Variants in LMX1B observed in about 807,000 individuals in gnomAD.
LMX1B encodes the protein LIM homeobox transcription factor 1 beta.
A neutral mutation model predicts 51.4 loss-of-function variants in LMX1B; 12 were observed. That is an observed-to-expected ratio of 0.23 (90% CI 0.15 to 0.38). LMX1B has a LOEUF of 0.38. LMX1B is among the 10% of genes least tolerant of loss of function. The pLI is 1.00. For synonymous variants in LMX1B, 237 were observed against 235.4 expected (o/e 1.01, Z -0.06); for missense variants, 445 against 571.1 (o/e 0.78, Z 2.25).
intron 2 of LMX1B, among the ~76,000 whole-genome samples, chr9:126,639,514 TATCCTGTA>T (rs1386091398): frequency 1.3e-5 from 2 of 152,202 alleles, no homozygotes; most frequent in Non-Finnish European, 2.9e-5. Flanking sequence ...CCCTGGAAAT[TATCCTGTA>T]ATGACCTAAT....
chr9:126,661,219 T>TGGACGCCCCACGCAGGGCGACCTCC (rs1564158762), intron 2 of LMX1B, among the ~76,000 whole-genome samples: 25 of 148,214 alleles, frequency 1.7e-4, no homozygotes, highest in South Asian at 4.2e-4. Flanking sequence ...GGGCGACCTC[T>TGGACGCCCCACGCAGGGCGACCTCC]CAGGCCAGCG....
At chr9:126,647,354 C>T (rs1835921333) in intron 2 of LMX1B, among the ~76,000 whole-genome samples, 1 of 152,182 alleles carries the variant, frequency 6.6e-6, no homozygotes, top group African/African-American at 2.4e-5. Flanking sequence ...GGACATCGTT[C>T]GACACATTTA....
intron 2 of LMX1B, among the ~76,000 whole-genome samples, chr9:126,651,114 C>CCTCTCT (rs1564155149): frequency 6.6e-6 from 1 of 151,818 alleles, no homozygotes; most frequent in East Asian, 1.9e-4. Context: ...AGGGCCTGCC[C>CCTCTCT]CTCTCTCCCT....
intron 2 of LMX1B, among the ~76,000 whole-genome samples, chr9:126,681,458 T>C (rs961676464): frequency 2.5e-5 from 3 of 117,816 alleles, no homozygotes; most frequent in African/African-American, 1.0e-4. Flanking sequence ...TTCTCCCACG[T>C]CCTCTCAGGC....
At chr9:126,637,194 C>T (rs1046162000) in intron 2 of LMX1B, among the ~76,000 whole-genome samples, 9 of 152,212 alleles carry the variant, frequency 5.9e-5, no homozygotes, top group East Asian at 3.8e-4. Flanking sequence ...GCTCTGGAAC[C>T]GGCAGCATCT....
chr9:126,658,103 A>G lies in LMX1B; in HGVS notation c.327-32733A>G, dbSNP rs1836153700. Among the ~76,000 whole-genome samples, 1 of 152,010 alleles carries G rather than the reference A, an allele frequency of 6.6e-6. No individual in the cohort carries two copies. The highest frequency in any genetic ancestry group is 1.5e-5 in the Non-Finnish European group (1 of 67,996). On this transcript the variant is annotated intron_variant, in intron 2 of 7. Transcript: ENST00000373474. This position sits in a 1 kb window ranked among gnomAD's most constrained non-coding sequence, Gnocchi z 4.0. ...CAAGGGACCTGAGTGGGAACAACCA[A>G]GCCGGAGACTCCTGGGTATGAAGGG... is the stretch of plus-strand genomic sequence containing the variant.
rs1564145908 is a variant in LMX1B at position 126,621,652 on chromosome 9, C to CCTT, written c.326+6083_326+6084insCTT. 2.0e-5 allele frequency among the ~76,000 whole-genome samples: 2 copies of CCTT among 100,306 alleles called. 1 individual carries two copies. The allele number at this position is 100,306 out of a possible 152,430, so 65.8% of individuals were successfully genotyped here. On this transcript the variant is annotated intron_variant, in intron 2 of 7. Coordinates refer to ENST00000373474, the MANE Select transcript of LMX1B (RefSeq NM_001174147.2). The stretch of plus-strand genomic sequence containing the variant: ...CTATAGGGTTTTTCTCTCTCTCTCT[C>CCTT]TTCTTTTTTTTTTTTTTTTTTTTTT...
intron 2 of LMX1B, among the ~76,000 whole-genome samples, chr9:126,660,963 G>A (rs1293577351): frequency 6.6e-6 from 1 of 152,192 alleles, no homozygotes; most frequent in Non-Finnish European, 1.5e-5. Flanking sequence ...TGCTCAACCA[G>A]TCAAGGGACC....
Position 126,614,022 on chromosome 9 carries a change from G to A in LMX1B, c.-428G>A. Among the ~76,000 whole-genome samples, 2 of 121,706 alleles carry A rather than the reference G, an allele frequency of 1.6e-5. No individual in the cohort carries two copies. Among genetic ancestry groups the A allele is most frequent in the East Asian group, 4.9e-4 (2 of 4,102 alleles). 79.8% of individuals were successfully genotyped at this position (121,706 alleles called of 152,430 possible). A position where few individuals can be genotyped will look rare whatever the true frequency, so the allele number is the denominator to read the frequency against. ...GGAGCCCCGCGGCCCGCTGCGCCCC[G>A]CCCGGGACCCCGCTGCGCCGCGCGC... On this transcript the variant is annotated 5_prime_UTR_variant, in exon 1 of 8. Transcript: ENST00000373474.
intron 2 of LMX1B, among the ~76,000 whole-genome samples, chr9:126,668,352 T>A (rs1361522095): frequency 6.6e-6 from 1 of 152,080 alleles, no homozygotes; most frequent in Non-Finnish European, 1.5e-5. Flanking sequence ...ACCTCCCATT[T>A]TATAGACAAG....
rs1387631319 is a variant in LMX1B at position 126,696,741 on chromosome 9, G to A, written c.*290G>A. On this transcript the variant is annotated 3_prime_UTR_variant, in exon 8 of 8. Coordinates refer to ENST00000373474, the MANE Select transcript of LMX1B (RefSeq NM_001174147.2). The stretch of plus-strand genomic sequence containing the variant: ...TCCCAGCCCCACCTCGGCCTCCATC[G>A]CCTCCTCCCCATCTCTTTTTTGGGA... 1.9e-5 allele frequency: 10 copies of A among 526,780 alleles called. No homozygotes were observed. The highest frequency in any genetic ancestry group is 4.6e-5 in the South Asian group (2 of 43,786). 32.6% of individuals were successfully genotyped at this position (526,780 alleles called of 1,614,324 possible).
At chr9:126,655,318 C>T (rs993314797) in intron 2 of LMX1B, among the ~76,000 whole-genome samples, 2 of 152,138 alleles carry the variant, frequency 1.3e-5, no homozygotes, top group African/African-American at 4.8e-5. Context: ...GTCCTGGCTG[C>T]CCTAGACCAC....
chr9:126,651,186 G>A (rs1835998362), intron 2 of LMX1B, among the ~76,000 whole-genome samples: 1 of 151,890 alleles, frequency 6.6e-6, no homozygotes, highest in African/African-American at 2.4e-5. Context: ...TCTCCGTGCT[G>A]GGGCTGACTG....
intron 2 of LMX1B, among the ~76,000 whole-genome samples, chr9:126,638,018 G>A (rs1829273550): frequency 6.6e-6 from 1 of 151,000 alleles, no homozygotes; most frequent in African/African-American, 2.4e-5. Context: ...CCCTGCCCGG[G>A]GACCTGCTTT....
rs13300385 is a variant in LMX1B at position 126,697,840 on chromosome 9, T to G, written c.*1389T>G. ...ATATGCAGGATGGGGGCACCTACTG[T>G]TTTGTTTTGTTTTGTTTTGTTTTGT... On this transcript the variant is annotated 3_prime_UTR_variant, in exon 8 of 8. Coordinates refer to ENST00000373474, the MANE Select transcript of LMX1B (RefSeq NM_001174147.2). The G allele has an allele frequency of 0.29, 14,620 of 51,152 alleles. 1,001 individuals are homozygous for G. Among genetic ancestry groups the G allele is most frequent in the East Asian group, 0.48 (1,614 of 3,360 alleles). 3.2% of individuals were successfully genotyped at this position (51,152 alleles called of 1,614,324 possible). A position where few individuals can be genotyped will look rare whatever the true frequency, so the allele number is the denominator to read the frequency against.
intron 2 of LMX1B, among the ~76,000 whole-genome samples, chr9:126,681,207 C>T (rs368456302): frequency 1.6e-4 from 25 of 152,314 alleles, no homozygotes; most frequent in East Asian, 9.7e-4. Context: ...TCCATCCTGG[C>T]AGCATCTCCA....
intron 3 of LMX1B, among the ~76,000 whole-genome samples, chr9:126,692,111 A>G (rs1242708178): frequency 6.6e-6 from 1 of 152,136 alleles, no homozygotes; most frequent in Non-Finnish European, 1.5e-5. Flanking sequence ...GCCACATGGG[A>G]AGGGTTTTCC....
intron 2 of LMX1B, among the ~76,000 whole-genome samples, chr9:126,636,480 G>A (rs1835714397): frequency 6.6e-6 from 1 of 152,104 alleles, no homozygotes; most frequent in African/African-American, 2.4e-5. Flanking sequence ...TTTACTCCAG[G>A]GCCCCTGGAA....
At chr9:126,683,830 A>G (rs1301047523) in intron 2 of LMX1B, among the ~76,000 whole-genome samples, 1 of 152,210 alleles carries the variant, frequency 6.6e-6, no homozygotes, top group Non-Finnish European at 1.5e-5. Context: ...TCAGGCAGCT[A>G]GGAAGTGGCA....
Sources: allele counts gnomAD v4.1 joint callset (sites outside exome capture counted in the v4.1 genomes callset), GRCh38; gene constraint gnomAD v4.1.1; non-coding constraint Gnocchi (gnomAD v3.1); transcripts MANE v1.5; gene names NCBI Gene and HGNC (gene_info 2026-07-23, HGNC 2026-07-21).